The following MAN1A2 variants were observed in gnomAD, a reference collection of about 807,000 sequenced individuals.
The protein encoded by MAN1A2 is mannosidase alpha class 1A member 2.
In MAN1A2, 26 loss-of-function variants were observed where a neutral mutation model predicts 75.7. That is an observed-to-expected ratio of 0.34 (90% CI 0.25 to 0.48). MAN1A2 has a LOEUF of 0.48. MAN1A2 is among the 20% of genes least tolerant of loss of function. MAN1A2 has a pLI of 0.99. For synonymous variants in MAN1A2, 247 were observed against 264.6 expected (o/e 0.93, Z 0.65); for missense variants, 562 against 775.5 (o/e 0.72, Z 3.27).
At position 117,499,452 on chromosome 1, in the gene MAN1A2, A is replaced by G; in HGVS notation, c.1575A>G (p.Glu525=). 2 of 1,607,148 alleles carry G rather than the reference A, an allele frequency of 1.2e-6. No individual in the cohort carries two copies. The highest frequency in any genetic ancestry group is 1.7e-6 in the Non-Finnish European group (2 of 1,176,780). The change falls in exon 11 of 13, where the codon GAA becomes GAG. Residue 525 remains glutamate, a synonymous_variant. Coordinates refer to ENST00000356554, the MANE Select transcript of MAN1A2 (RefSeq NM_006699.5). ...AVEAVAVRQA[E]KYYILRPEVI... ...AGGCTGTGGCTGTCCGGCAGGCTGA[A>G]AAGTATTATATCCTCCGTCCAGAAG...
chr1:117,457,058 C>T (rs933568425), intron 6 of MAN1A2, among the ~76,000 whole-genome samples: 1 of 152,060 alleles, frequency 6.6e-6, no homozygotes, highest in Non-Finnish European at 1.5e-5. Context: ...AGCTTTACTC[C>T]ATTCTTTCAA....
chr1:117,396,312 A>AT (rs1653903175), intron 1 of MAN1A2, among the ~76,000 whole-genome samples: 1 of 152,192 alleles, frequency 6.6e-6, no homozygotes, highest in Non-Finnish European at 1.5e-5. Flanking sequence ...ACTATGACAC[A>AT]TTACCTCCCA....
At chr1:117,513,371 A>G (rs1437539270) in intron 12 of MAN1A2, among the ~76,000 whole-genome samples, 3 of 152,100 alleles carry the variant, frequency 2.0e-5, no homozygotes, top group Non-Finnish European at 4.4e-5. Flanking sequence ...TTTTTTTTAC[A>G]TAATATTTTT....
chr1:117,368,453 C>T lies in MAN1A2; in HGVS notation c.270C>T (p.Phe90=). The T allele has an allele frequency of 6.2e-7, 1 of 1,613,226 alleles. No individual in the cohort carries two copies. Among genetic ancestry groups the T allele is most frequent in the South Asian group, 1.1e-5 (1 of 91,016 alleles). ...AAGGGGCTAAAAACCCCGGAGTCTT[C>T]CTGATCCATGGACCCGATGAACATA... The part of the protein sequence containing the change: ...AGKGAKNPGV[F]LIHGPDEHRH... Residue 90 remains phenylalanine, a synonymous_variant, in exon 1 of 13, where the codon TTC becomes TTT. Coordinates refer to ENST00000356554, the MANE Select transcript of MAN1A2 (RefSeq NM_006699.5).
intron 8 of MAN1A2, among the ~76,000 whole-genome samples, chr1:117,473,249 C>T (rs1469522640): frequency 6.6e-6 from 1 of 151,844 alleles, no homozygotes; most frequent in African/African-American, 2.4e-5. Flanking sequence ...TCATCCTTTA[C>T]TTCTTTATCT....
intron 5 of MAN1A2, among the ~76,000 whole-genome samples, chr1:117,438,610 G>T (rs1369863591): frequency 6.6e-6 from 1 of 152,154 alleles, no homozygotes; most frequent in African/African-American, 2.4e-5. Flanking sequence ...TTCGTTCATG[G>T]TCAGTGCCCT....
At chr1:117,443,571 A>G (rs1002693384) in intron 6 of MAN1A2, among the ~76,000 whole-genome samples, 2 of 151,894 alleles carry the variant, frequency 1.3e-5, no homozygotes, top group African/African-American at 4.9e-5. Flanking sequence ...TTTTGTCTAC[A>G]TAGAGGAAAA....
At position 117,523,109 on chromosome 1, in the gene MAN1A2, A is replaced by G. The variant is rs748238669; in HGVS notation, c.*152A>G. On this transcript the variant is annotated 3_prime_UTR_variant, in exon 13 of 13. Coordinates refer to ENST00000356554, the MANE Select transcript of MAN1A2 (RefSeq NM_006699.5). ...CCCTAAGACTGTTCAACTTGTAGATACATCAACTTTGAAATTATTCCATTT... is the reference window on the plus strand; with the variant it reads ...CCCTAAGACTGTTCAACTTGTAGATGCATCAACTTTGAAATTATTCCATTT... 34 of 820,654 alleles carry G rather than the reference A, an allele frequency of 4.1e-5. No homozygotes were observed. Among genetic ancestry groups the G allele is most frequent in the African/African-American group, 1.0e-4 (6 of 59,332 alleles). 50.8% of individuals were successfully genotyped at this position (820,654 alleles called of 1,614,324 possible).
chr1:117,479,440 A>G (rs551406331), intron 8 of MAN1A2, among the ~76,000 whole-genome samples: 39 of 151,930 alleles, frequency 2.6e-4, no homozygotes, highest in Non-Finnish European at 3.7e-4. Context: ...AGAATGATTT[A>G]TATTCCTTTG....
chr1:117,516,246 A>C (rs1651711217), intron 12 of MAN1A2, among the ~76,000 whole-genome samples: 1 of 152,162 alleles, frequency 6.6e-6, no homozygotes, highest in Admixed American at 6.6e-5. Context: ...AGAACCCCAA[A>C]GGAAGAAAAG....
intron 1 of MAN1A2, among the ~76,000 whole-genome samples, chr1:117,397,609 G>C (rs1221200517): frequency 6.8e-6 from 1 of 146,676 alleles, no homozygotes; most frequent in Non-Finnish European, 1.5e-5. Context: ...CATTTGTATT[G>C]CCTACCCTGT....
intron 3 of MAN1A2, among the ~76,000 whole-genome samples, chr1:117,414,210 T>C (rs1462061657): frequency 6.6e-6 from 1 of 151,726 alleles, no homozygotes; most frequent in Non-Finnish European, 1.5e-5. Context: ...TCCACTGTGG[T>C]TATCCAGCCC....
chr1:117,458,523 A>ATATATTTTTT (rs1553236643), intron 6 of MAN1A2, among the ~76,000 whole-genome samples: 1 of 105,610 alleles, frequency 9.5e-6, no homozygotes, highest in African/African-American at 3.5e-5. Flanking sequence ...ATATATATAT[A>ATATATTTTTT]TTTTTTTTTT....
intron 3 of MAN1A2, among the ~76,000 whole-genome samples, chr1:117,405,862 T>G (rs887779146): frequency 3.9e-5 from 6 of 152,200 alleles, no homozygotes; most frequent in Non-Finnish European, 7.4e-5. Context: ...ATATGGATGC[T>G]TTAGTCATTT....
intron 6 of MAN1A2, among the ~76,000 whole-genome samples, chr1:117,457,128 C>T (rs975912656): frequency 6.6e-6 from 1 of 152,038 alleles, no homozygotes; most frequent in Non-Finnish European, 1.5e-5. Context: ...ATATAGAAGA[C>T]TCATTATCAA....
At chr1:117,490,881 A>G (rs1650859143) in intron 8 of MAN1A2, among the ~76,000 whole-genome samples, 1 of 152,110 alleles carries the variant, frequency 6.6e-6, no homozygotes, top group African/African-American at 2.4e-5. Context: ...TTCAGACCAA[A>G]CCAGCTACAA....
rs1020183525 is a variant in MAN1A2 at position 117,457,170 on chromosome 1, G to T, written c.951-3319G>T. ...TTAATATGATTGTAGACCACTTAGG[G>T]TGATTTACTGTCAAGAGTTTACCAA... On this transcript the variant is annotated intron_variant, in intron 6 of 12. Coordinates refer to ENST00000356554, the MANE Select transcript of MAN1A2 (RefSeq NM_006699.5). Among the ~76,000 whole-genome samples, 3 of 152,162 alleles carry T rather than the reference G, an allele frequency of 2.0e-5. No individual in the cohort carries two copies. In the East Asian group the frequency reaches 5.8e-4, roughly 29 times the overall value.
intron 5 of MAN1A2, among the ~76,000 whole-genome samples, chr1:117,422,870 A>G (rs1648242397): frequency 6.6e-6 from 1 of 152,100 alleles, no homozygotes; most frequent in Non-Finnish European, 1.5e-5. Flanking sequence ...TTGTCTTTCC[A>G]GTGATTTAAC....
Position 117,523,068 on chromosome 1 carries a change from A to T in MAN1A2, c.*111A>T. 4 of 1,142,400 alleles carry T rather than the reference A, an allele frequency of 3.5e-6. No homozygotes were observed. In the South Asian group the frequency reaches 5.3e-5, roughly 15 times the overall value. The allele number at this position is 1,142,400 out of a possible 1,614,324, so 70.8% of individuals were successfully genotyped here. On this transcript the variant is annotated 3_prime_UTR_variant, in exon 13 of 13. Coordinates refer to ENST00000356554, the MANE Select transcript of MAN1A2 (RefSeq NM_006699.5). ...ACCTGGACCTCTATGTCAACATGACAGGGTGAAACTATTCCCCCTAAGACT... is the reference window on the plus strand; with the variant it reads ...ACCTGGACCTCTATGTCAACATGACTGGGTGAAACTATTCCCCCTAAGACT...
Sources: gnomAD v4.1 joint callset for allele counts (sites outside exome capture counted in the v4.1 genomes callset) on GRCh38, gnomAD v4.1.1 for gene constraint, MANE v1.5 for transcripts, NCBI Gene and HGNC (gene_info 2026-07-23, HGNC 2026-07-21) for gene names.